EPC1: variants seen among roughly 807,000 people sequenced by gnomAD.
The protein encoded by EPC1 is enhancer of polycomb 1.
Under a neutral mutation model 98.4 loss-of-function variants are expected in EPC1, and 12 were observed. The observed-to-expected ratio is 0.12, with a 90% confidence interval of 0.08 to 0.20. The LOEUF (loss-of-function observed/expected upper bound fraction) is 0.20, where lower values mean the gene tolerates loss of function less well. Ranked by LOEUF, EPC1 falls within the 10% of genes least tolerant of loss-of-function variation. EPC1 has a pLI of 1.00. For synonymous variants in EPC1, 357 were observed against 363.9 expected, an observed-to-expected ratio of 0.98 and a Z score of 0.21; for missense variants, 729 against 990.5, an observed-to-expected ratio of 0.74 and a Z score of 3.54.
chr10:32,378,615 G>C, exon 1 of EPC1: 4 of 670,484 alleles, frequency 6.0e-6, no homozygotes, highest in Non-Finnish European at 9.8e-6. Flanking sequence ...TCTTTAAAAT[G>C]TTTGGTAAAT....
In EPC1 at chr10:32,284,798, T is replaced by C. The variant is rs758600468; in HGVS notation, c.1644A>G (p.Lys548=). Residue 548 remains lysine (K), a synonymous_variant, in exon 10 of 14, where the codon AAA becomes AAG. Transcript: ENST00000319778. The part of the protein sequence containing the change: ...DSDNDELSCR[K]LYRSINRTGT... ...CTGTTCGGTTTATACTCCTATATAA[T>C]TTTCTACAGGAGAGTTCATCATTGT... is the stretch of plus-strand genomic sequence containing the variant. 1 of 1,614,204 alleles carries C rather than the reference T, an allele frequency of 6.2e-7. No homozygotes were observed. Among genetic ancestry groups the C allele is most frequent in the South Asian group, 1.1e-5 (1 of 91,088 alleles).
chr10:32,291,275 G>C lies in EPC1; in HGVS notation c.863C>G (p.Ala288Gly), dbSNP rs1345429676. The C allele has an allele frequency of 6.2e-7, 1 of 1,613,796 alleles. No individual in the cohort carries two copies. Residue 288 changes from alanine to glycine, a missense_variant, in exon 6 of 14, where the codon GCA (alanine) becomes GGA (glycine). Physicochemically the swap from Ala to Gly is moderately conservative, Grantham distance 60. This residue lies in a region of EPC1 where 390 missense variants were observed against 438.6 expected (regional missense o/e 0.89). Transcript: ENST00000319778. ...AGTAGGTTTCATTGGCTGTCTCTGT[G>C]CCATAACCTCAGACATGATCTCTCC... ...YNGEIMSEVM[A>G]QRQPMKPTYA... is the part of the protein sequence containing the mutation.
At chr10:32,317,742 AG>A (rs755497149) in intron 1 of EPC1, among the ~76,000 whole-genome samples, 12 of 152,232 alleles carry the variant, frequency 7.9e-5, no homozygotes, top group Non-Finnish European at 1.5e-4. Context: ...CAAGGAAAAG[AG>A]CAATTTAATA....
chr10:32,344,229 T>C (rs999169824), intron 1 of EPC1, among the ~76,000 whole-genome samples: 2 of 152,204 alleles, frequency 1.3e-5, no homozygotes, highest in Non-Finnish European at 2.9e-5. Flanking sequence ...AATATTATGA[T>C]TTACACACCC....
intron 2 of EPC1, among the ~76,000 whole-genome samples, chr10:32,297,259 T>C (rs951413393): frequency 6.6e-6 from 1 of 151,370 alleles, no homozygotes; most frequent in Non-Finnish European, 1.5e-5. Context: ...TCAATTAAAT[T>C]GAGACCTAGC....
intron 9 of EPC1, 31 bp downstream of exon 9, chr10:32,286,663 T>C (rs374893967): frequency 5.0e-6 from 8 of 1,611,198 alleles, no homozygotes; most frequent in African/African-American, 1.3e-5. Flanking sequence ...GCCTAAAATA[T>C]CCTTCTGCTA....
At chr10:32,304,712 G>A (rs550031769) in intron 2 of EPC1, among the ~76,000 whole-genome samples, 12 of 152,138 alleles carry the variant, frequency 7.9e-5, no homozygotes, top group African/African-American at 2.2e-4. Context: ...CTGAGGACAG[G>A]TGTTTGAGAC....
intron 1 of EPC1, among the ~76,000 whole-genome samples, chr10:32,331,448 G>A (rs192584968): frequency 6.6e-6 from 1 of 151,114 alleles, no homozygotes; most frequent in Admixed American, 6.6e-5. Context: ...TTAGAGAGAA[G>A]AAATTTTAAT....
intron 10 of EPC1, among the ~76,000 whole-genome samples, chr10:32,274,355 TTA>T (rs1354475698): frequency 6.6e-6 from 1 of 152,160 alleles, no homozygotes; most frequent in Non-Finnish European, 1.5e-5. Flanking sequence ...GTTTGATAAT[TTA>T]GTTAGAATAT....
intron 1 of EPC1, among the ~76,000 whole-genome samples, chr10:32,364,875 CT>C (rs1293850898): frequency 6.6e-6 from 1 of 150,672 alleles, no homozygotes. Context: ...AATTCATAAG[CT>C]TTCTTAAAAT....
chr10:32,276,287 G>C (rs2132654881), intron 10 of EPC1, among the ~76,000 whole-genome samples: 1 of 152,334 alleles, frequency 6.6e-6, no homozygotes, highest in South Asian at 2.1e-4. Flanking sequence ...GAGGCAGGTT[G>C]ATCACCGGAG....
upstream of EPC1, among the ~76,000 whole-genome samples, chr10:32,351,470 A>C (rs1261026647): frequency 6.6e-6 from 1 of 152,004 alleles, no homozygotes; most frequent in African/African-American, 2.4e-5. Flanking sequence ...CAGCCTGGCC[A>C]ACATGATGAA....
chr10:32,305,842 A>G lies in EPC1; in HGVS notation c.243T>C (p.Ser81=), dbSNP rs1467688542. The change falls in exon 2 of 14, where the codon AGT becomes AGC. Residue 81 remains serine (S), a synonymous_variant. Coordinates refer to ENST00000319778, the MANE Select transcript of EPC1 (RefSeq NM_001272004.3). ...NMVIPVPEAE[S]NIAYYESIYP... is the part of the protein sequence containing the mutation. ...ATATAGACTCATAGTAAGCAATATT[A>G]CTTTCTGCCTCTGGGACCGGTATAA... 2.5e-6 allele frequency: 4 copies of G among 1,613,430 alleles called. No homozygotes were observed. Among genetic ancestry groups the G allele is most frequent in the African/African-American group, 1.3e-5 (1 of 74,882 alleles).
In EPC1 at chr10:32,275,390, T is replaced by G. The variant is rs1431904230; in HGVS notation, c.1745-2109A>C. Among the ~76,000 whole-genome samples the G allele has an allele frequency of 2.6e-5, 4 of 151,494 alleles. No homozygotes were observed. The East Asian group carries it at 7.8e-4, about 29-fold the overall frequency. The stretch of plus-strand genomic sequence containing the variant: ...GGCGCACGCCTGTAATCCCAACACT[T>G]TGGGAGGCCGAGGTGGGTGGATCAC... On this transcript the variant is annotated intron_variant, in intron 10 of 13. Transcript: ENST00000319778.
intron 1 of EPC1, among the ~76,000 whole-genome samples, chr10:32,317,910 G>A (rs565754742): frequency 1.3e-5 from 2 of 152,204 alleles, no homozygotes; most frequent in East Asian, 3.9e-4. Context: ...TGAAACATTT[G>A]CCAATTTACT....
intron 1 of EPC1, among the ~76,000 whole-genome samples, chr10:32,316,763 C>T (rs1836576521): frequency 6.6e-6 from 1 of 152,094 alleles, no homozygotes; most frequent in Admixed American, 6.5e-5. Flanking sequence ...AAAATTTAGC[C>T]AATATCCACT....
rs1305155558 is a variant in EPC1, at chr10:32,286,719, G to C, written c.1366C>G (p.Arg456Gly). Residue 456 changes from arginine (R) to glycine (G), a missense_variant, in exon 9 of 14, where the codon CGA (arginine) becomes GGA (glycine). Arg to Gly is a moderately radical substitution (Grantham distance 125, BLOSUM62 -2). This residue lies in a region of EPC1 where 390 missense variants were observed against 438.6 expected (regional missense o/e 0.89). Transcript: ENST00000319778. The stretch of plus-strand genomic sequence containing the variant: ...CTTCCACCGCGCCCAACCCGTCTTC[G>C]TGCAAATCCAATACACCTTTGGGGT... ...TVPQRCIGFARRRVGRGGRVL... is the reference protein window; with the variant it reads ...TVPQRCIGFAGRRVGRGGRVL... The C allele has an allele frequency of 6.2e-7, 1 of 1,613,996 alleles. No homozygotes were observed. Among genetic ancestry groups the C allele is most frequent in the Non-Finnish European group, 8.5e-7 (1 of 1,180,012 alleles).
intron 13 of EPC1, 64 bp downstream of exon 13, chr10:32,271,490 C>T (rs1012220374): frequency 1.3e-5 from 19 of 1,517,324 alleles, no homozygotes; most frequent in African/African-American, 4.2e-5. Context: ...AGGTAAAGAA[C>T]GATGCTGGAG....
chr10:32,325,566 A>G (rs1837224474), intron 1 of EPC1, among the ~76,000 whole-genome samples: 1 of 152,248 alleles, frequency 6.6e-6, no homozygotes, highest in South Asian at 2.1e-4. Flanking sequence ...AAATTCCCTT[A>G]TTTCAGAGTG....
Sources: allele counts gnomAD v4.1 joint callset (sites outside exome capture counted in the v4.1 genomes callset), GRCh38; gene constraint gnomAD v4.1.1; regional missense constraint gnomAD v4.1.1; transcripts MANE v1.5; gene names NCBI Gene and HGNC (gene_info 2026-07-23, HGNC 2026-07-21).